The following SLX4IP variants were observed in gnomAD, a reference collection of about 807,000 sequenced individuals.
SLX4IP encodes SLX4 interacting protein.
In SLX4IP, 34 loss-of-function variants were observed where a neutral mutation model predicts 32.9. The observed-to-expected ratio is 1.03, with a 90% CI of 0.79 to 1.38. The LOEUF is 1.38. SLX4IP is among the 40% of genes most tolerant of loss of function. SLX4IP has a pLI of 0.00. For synonymous variants in SLX4IP, 172 were observed against 171.7 expected, an observed-to-expected ratio of 1.00 and a Z score of -0.01; for missense variants, 444 against 479.0, an observed-to-expected ratio of 0.93 and a Z score of 0.68.
rs1414185700 is a variant in SLX4IP at position 10,519,009 on chromosome 20, T to G, written c.28-37222T>G. Among the ~76,000 whole-genome samples the G allele has an allele frequency of 2.6e-5, 4 of 152,194 alleles. No individual in the cohort carries two copies. The East Asian group carries it at 7.7e-4, about 29-fold the overall frequency. On this transcript the variant is annotated intron_variant, in intron 2 of 7. Coordinates refer to ENST00000334534, the MANE Select transcript of SLX4IP (RefSeq NM_001009608.3). ...ACATTGTTATAAATTAATTGTAAAATTATTGCATTGGAGATGCTTTATGAA... is the reference window on the plus strand; with the variant it reads ...ACATTGTTATAAATTAATTGTAAAAGTATTGCATTGGAGATGCTTTATGAA...
At chr20:10,462,311 A>G (rs1031056581) in intron 2 of SLX4IP, among the ~76,000 whole-genome samples, 4 of 152,242 alleles carry the variant, frequency 2.6e-5, no homozygotes, top group African/African-American at 9.6e-5. Flanking sequence ...TGGAGGATAC[A>G]AACTTCCTGT....
intron 2 of SLX4IP, among the ~76,000 whole-genome samples, chr20:10,499,259 A>C (rs2065696329): frequency 6.6e-6 from 1 of 152,164 alleles, no homozygotes; most frequent in Non-Finnish European, 1.5e-5. Context: ...TACTTACAAT[A>C]AGAAATACAT....
intron 2 of SLX4IP, among the ~76,000 whole-genome samples, chr20:10,463,057 A>AAAC (rs1197294963): frequency 1.3e-5 from 2 of 152,198 alleles, no homozygotes; most frequent in East Asian, 1.9e-4. Flanking sequence ...CTGTCTCTAA[A>AAAC]AACAACAACA....
intron 2 of SLX4IP, among the ~76,000 whole-genome samples, chr20:10,547,883 TCCTCCACAAA>T (rs2066178917): frequency 2.0e-5 from 3 of 152,140 alleles, no homozygotes; most frequent in Admixed American, 1.3e-4. Context: ...AGAAGGCAGC[TCCTCCACAAA>T]GGCCACCTGG....
At position 10,624,330 on chromosome 20, in the gene SLX4IP, A is replaced by ACCAGGTT. The variant is rs1186802267; in HGVS notation, c.*956_*962dup. The ACCAGGTT allele has an allele frequency of 2.0e-5, 3 of 152,178 alleles. No individual in the cohort carries two copies. The allele number at this position is 152,178 out of a possible 1,614,324, so 9.4% of individuals were successfully genotyped here. A position where few individuals can be genotyped will look rare whatever the true frequency, so the allele number is the denominator to read the frequency against. Reference sequence around the variant, plus strand: ...ACTATAACCTAACAGGAACTCAGTGACCAGGTTCCAGTTTCCCAGTTGGAA... The same window carrying ACCAGGTT: ...ACTATAACCTAACAGGAACTCAGTGACCAGGTTCCAGGTTCCAGTTTCCCAGTTGGAA... On this transcript the variant is annotated 3_prime_UTR_variant, in exon 8 of 8. Transcript: ENST00000334534.
intron 4 of SLX4IP, among the ~76,000 whole-genome samples, chr20:10,584,709 G>A (rs890836347): frequency 2.6e-5 from 4 of 152,192 alleles, no homozygotes; most frequent in Admixed American, 6.5e-5. Context: ...TATGGGCAGT[G>A]GACTCATGAT....
At chr20:10,597,890 G>C (rs1009348392) in intron 4 of SLX4IP, among the ~76,000 whole-genome samples, 1 of 152,160 alleles carries the variant, frequency 6.6e-6, no homozygotes, top group Admixed American at 6.6e-5. Context: ...ACTCTGGTGA[G>C]TTGGAGAAAT....
intron 2 of SLX4IP, among the ~76,000 whole-genome samples, chr20:10,485,095 A>T (rs1025714624): frequency 2.6e-5 from 4 of 152,082 alleles, no homozygotes; most frequent in African/African-American, 9.7e-5. Context: ...AACATACGAG[A>T]TTAGCCTTAT....
intron 3 of SLX4IP, among the ~76,000 whole-genome samples, chr20:10,556,542 C>T (rs2066269106): frequency 1.3e-5 from 2 of 151,990 alleles, no homozygotes; most frequent in South Asian, 2.1e-4. Context: ...ATTATTTAAA[C>T]CAGACATTTT....
intron 2 of SLX4IP, among the ~76,000 whole-genome samples, chr20:10,547,635 C>T (rs372644030): frequency 3.9e-5 from 6 of 152,198 alleles, no homozygotes; most frequent in Admixed American, 1.3e-4. Flanking sequence ...TTCCAATTCA[C>T]GAGTGACAGT....
intron 2 of SLX4IP, among the ~76,000 whole-genome samples, chr20:10,520,286 G>A (rs1170392650): frequency 3.3e-5 from 5 of 152,136 alleles, no homozygotes; most frequent in African/African-American, 7.2e-5. Context: ...TCCTGACCTC[G>A]TGATCCGCCC....
intron 2 of SLX4IP, among the ~76,000 whole-genome samples, chr20:10,554,939 T>A (rs1008172667): frequency 6.6e-6 from 1 of 152,120 alleles, no homozygotes; most frequent in African/African-American, 2.4e-5. Flanking sequence ...TAACAGAAAT[T>A]TTTAATTTTG....
chr20:10,526,582 A>T (rs779559110), intron 2 of SLX4IP, among the ~76,000 whole-genome samples: 3 of 152,198 alleles, frequency 2.0e-5, no homozygotes, highest in Admixed American at 6.5e-5. Context: ...TATGGATGAC[A>T]TAACAAATTG....
intron 4 of SLX4IP, among the ~76,000 whole-genome samples, chr20:10,572,886 C>A (rs748449985): frequency 1.3e-5 from 2 of 152,212 alleles, no homozygotes; most frequent in African/African-American, 4.8e-5. Context: ...CACTCACCTC[C>A]CAAGCAGCGT....
intron 2 of SLX4IP, among the ~76,000 whole-genome samples, chr20:10,514,709 C>T (rs930707350): frequency 6.6e-6 from 1 of 152,180 alleles, no homozygotes; most frequent in Admixed American, 6.5e-5. Context: ...AAGGTTTGAG[C>T]TTCATAAGCC....
intron 4 of SLX4IP, among the ~76,000 whole-genome samples, chr20:10,593,480 A>G (rs937111458): frequency 1.3e-5 from 2 of 152,180 alleles, no homozygotes; most frequent in African/African-American, 2.4e-5. Flanking sequence ...CACACCTGTA[A>G]TCTCAGCATT....
chr20:10,512,737 T>TATATTTTATATATAGTATATATA (rs2065818469), intron 2 of SLX4IP, among the ~76,000 whole-genome samples: 1 of 138,044 alleles, frequency 7.2e-6, no homozygotes, highest in Admixed American at 7.8e-5. Flanking sequence ...GTATATGTAT[T>TATATTTTATATATAGTATATATA]GTGTATATAT....
intron 1 of SLX4IP, among the ~76,000 whole-genome samples, chr20:10,446,962 AT>A (rs1190016900): frequency 8.5e-5 from 13 of 152,102 alleles, no homozygotes; most frequent in African/African-American, 3.1e-4. Context: ...TATGGTTTAC[AT>A]TTTCTCTGTC....
At chr20:10,579,130 A>T (rs1364513806) in intron 4 of SLX4IP, among the ~76,000 whole-genome samples, 2 of 152,170 alleles carry the variant, frequency 1.3e-5, no homozygotes, top group Non-Finnish European at 2.9e-5. Flanking sequence ...ATATCTAAGA[A>T]ACCATTGCCC....
Sources: gnomAD v4.1 joint callset for allele counts (sites outside exome capture counted in the v4.1 genomes callset) on GRCh38, gnomAD v4.1.1 for gene constraint, MANE v1.5 for transcripts, NCBI Gene and HGNC (gene_info 2026-07-23, HGNC 2026-07-21) for gene names.